TAB3: variants seen among roughly 807,000 people sequenced by gnomAD.
TAB3 encodes the protein TGF-beta activated kinase 1 (MAP3K7) binding protein 3, also known as TGF-beta-activated kinase 1 and MAP3K7-binding protein 3.
In TAB3, 18 loss-of-function variants were observed where a neutral mutation model predicts 48.1. The observed-to-expected ratio is 0.37, with a 90% CI of 0.26 to 0.55. The LOEUF (loss-of-function observed/expected upper bound fraction) is 0.55, where lower values mean the gene tolerates loss of function less well. Among genes scored for constraint, TAB3 ranks in the 20% least tolerant of loss-of-function variants. TAB3 has a pLI of 0.78. For synonymous variants in TAB3, 185 were observed against 190.2 expected, an observed-to-expected ratio of 0.97 and a Z score of 0.22; for missense variants, 414 against 549.8, an observed-to-expected ratio of 0.75 and a Z score of 2.47.
chrX:30,861,077 G>A (rs917080752), intron 4 of TAB3, among the ~76,000 whole-genome samples: 2 of 111,533 alleles, frequency 1.8e-5, no homozygotes, highest in East Asian at 5.6e-4. Context: ...GGTATGCGGT[G>A]TTCTTTCTCC....
intron 2 of TAB3, among the ~76,000 whole-genome samples, chrX:30,868,083 G>C (rs940145975): frequency 1.9e-5 from 2 of 103,661 alleles, no homozygotes; most frequent in Non-Finnish European, 3.9e-5. Flanking sequence ...TTTTCATAGA[G>C]ACGGGGTTTC....
At chrX:30,832,969 C>G (rs1430315186) in intron 10 of TAB3, among the ~76,000 whole-genome samples, 1 of 101,750 alleles carries the variant, frequency 9.8e-6, no homozygotes, top group Admixed American at 1.0e-4. Flanking sequence ...CATTTTCTTT[C>G]TTTCTTTTTT....
At chrX:30,842,740 C>T (rs1345564409) in intron 9 of TAB3, among the ~76,000 whole-genome samples, 2 of 110,668 alleles carry the variant, frequency 1.8e-5, no homozygotes, top group South Asian at 3.9e-4. Context: ...GCAGAAAGAT[C>T]GCTGGAGCCC....
chrX:30,864,164 C>T (rs922054345), intron 4 of TAB3, among the ~76,000 whole-genome samples: 9 of 111,596 alleles, frequency 8.1e-5, no homozygotes, highest in African/African-American at 2.9e-4. Context: ...GAAACACCCC[C>T]ACTAAAGTCC....
rs182912592 is a variant in TAB3 at position 30,839,824 on chromosome X, T to A, written c.1888+3142A>T. Among the ~76,000 whole-genome samples the A allele has an allele frequency of 1.2e-3, 131 of 107,246 alleles. 1 individual carries two copies. The East Asian group carries it at 0.033, about 27-fold the overall frequency. The allele number at this position is 107,246 out of a possible 115,157, so 93.1% of individuals were successfully genotyped here. A position where few individuals can be genotyped will look rare whatever the true frequency, so the allele number is the denominator to read the frequency against. ...TTACTTTCTTAAATATTTGGTGGAA[T>A]TTACCCACCAGTGAATCTATCTGGA... On this transcript the variant is annotated intron_variant, in intron 9 of 10. Transcript: ENST00000288422.
intron 1 of TAB3, among the ~76,000 whole-genome samples, chrX:30,877,312 CCTCA>C (rs1328856613): frequency 9.0e-6 from 1 of 111,642 alleles, no homozygotes; most frequent in East Asian, 2.8e-4. Context: ...TCCAGCAAAC[CCTCA>C]CTAAGAATGA....
chrX:30,835,770 TTCTC>T (rs1274977415), intron 9 of TAB3: 2 of 112,550 alleles, frequency 1.8e-5, no homozygotes, highest in African/African-American at 3.2e-5. Context: ...CTCTGTCTCT[TTCTC>T]TCTCTTTCCT....
intron 1 of TAB3, among the ~76,000 whole-genome samples, chrX:30,887,717 T>C (rs1255905914): frequency 5.3e-5 from 6 of 112,638 alleles, no homozygotes; most frequent in Non-Finnish European, 1.1e-4. Context: ...TAGCTCTGTT[T>C]GCTCCAACAA....
intron 7 of TAB3, among the ~76,000 whole-genome samples, chrX:30,847,662 G>A (rs1938674840): frequency 1.8e-5 from 2 of 110,953 alleles, no homozygotes; most frequent in Middle Eastern, 4.6e-3. Flanking sequence ...ACTATAGGAA[G>A]ACAGAACAAA....
In TAB3 at chrX:30,874,368, A is replaced by G. The variant is rs147504035; in HGVS notation, c.-382-2567T>C. 3.9e-4 allele frequency among the ~76,000 whole-genome samples: 44 copies of G among 112,171 alleles called. No individual in the cohort carries two copies. The East Asian group carries it at 0.011, about 29-fold the overall frequency. ...TGTGTTGTTTTAGAGATGTTAAATT[A>G]TTGGGGAGTGAAATTATGTCTTGGC... On this transcript the variant is annotated intron_variant, in intron 1 of 10. Coordinates refer to ENST00000288422, the MANE Select transcript of TAB3 (RefSeq NM_152787.5).
chrX:30,834,393 G>C (rs1025719586), intron 9 of TAB3, among the ~76,000 whole-genome samples: 1 of 111,730 alleles, frequency 9.0e-6, no homozygotes, highest in Non-Finnish European at 1.9e-5. Context: ...CCATTACTTA[G>C]AACAAATGCC....
At chrX:30,852,097 G>A (rs1029219515) in intron 7 of TAB3, among the ~76,000 whole-genome samples, 1 of 112,483 alleles carries the variant, frequency 8.9e-6, no homozygotes, top group Non-Finnish European at 1.9e-5. Context: ...AAGGTGAAAT[G>A]ATAGGTTGGA....
intron 1 of TAB3, among the ~76,000 whole-genome samples, chrX:30,883,885 C>A (rs913155053): frequency 1.8e-5 from 2 of 111,492 alleles, no homozygotes; most frequent in African/African-American, 6.5e-5. Flanking sequence ...ACCAATGGAT[C>A]ATTTAGAAAT....
intron 4 of TAB3, among the ~76,000 whole-genome samples, chrX:30,865,818 G>T (rs1403233230): frequency 8.9e-6 from 1 of 112,215 alleles, no homozygotes; most frequent in African/African-American, 3.2e-5. Flanking sequence ...AAGAGTTTTT[G>T]TACTACAGTG....
Position 30,830,912 on chromosome X carries a change from G to GGCCCCC in TAB3, c.*514_*515insGGGGGC, listed in dbSNP as rs1938005388. On this transcript the variant is annotated 3_prime_UTR_variant, in exon 11 of 11. Coordinates refer to ENST00000288422, the MANE Select transcript of TAB3 (RefSeq NM_152787.5). The stretch of plus-strand genomic sequence containing the variant: ...AATTACAAATACCCTTAATTAATTT[G>GGCCCCC]CCCCCCCCCCCCAAATATTCTAGGT... 1 of 43,609 alleles carries GGCCCCC rather than the reference G, an allele frequency of 2.3e-5. No homozygotes were observed. The highest frequency in any genetic ancestry group is 4.1e-5 in the Non-Finnish European group (1 of 24,155). The allele number at this position is 43,609 out of a possible 1,213,427, so 3.6% of individuals were successfully genotyped here.
intron 1 of TAB3, among the ~76,000 whole-genome samples, chrX:30,874,735 G>C (rs1281221909): frequency 6.3e-5 from 7 of 111,890 alleles, no homozygotes; most frequent in Admixed American, 3.8e-4. Flanking sequence ...AGAAGTACAA[G>C]GCAGATAAGC....
Position 30,854,514 on chromosome X carries a change from G to A in TAB3, c.1151C>T (p.Pro384Leu). ...AGATGGTTGATTACTGATGGGTGAA[G>A]GACTCCTATTAATTGCTGTCCCAGG... ...QRPGTAINRS[P>L]SPISNQPSPR... is the part of the protein sequence containing the mutation. Residue 384 changes from proline to leucine, a missense_variant, in exon 6 of 11, where the codon CCT (proline) becomes CTT (leucine). Coordinates refer to ENST00000288422, the MANE Select transcript of TAB3 (RefSeq NM_152787.5). The A allele has an allele frequency of 1.4e-5, 17 of 1,210,992 alleles. No individual in the cohort carries two copies. Among genetic ancestry groups the A allele is most frequent in the Non-Finnish European group, 1.9e-5 (17 of 894,949 alleles).
chrX:30,856,570 CAAT>C (rs1910485529), intron 5 of TAB3, among the ~76,000 whole-genome samples: 1 of 111,953 alleles, frequency 8.9e-6, no homozygotes, highest in Non-Finnish European at 1.9e-5. Flanking sequence ...AAAAGTTTCC[CAAT>C]TATTGTGACC....
At chrX:30,867,980 T>C (rs1939461397) in intron 2 of TAB3, among the ~76,000 whole-genome samples, 1 of 104,733 alleles carries the variant, frequency 9.5e-6, no homozygotes, top group African/African-American at 3.5e-5. Context: ...CACTGCAGCC[T>C]CAACCTCCCA....
Sources: gnomAD v4.1 joint callset for allele counts (sites outside exome capture counted in the v4.1 genomes callset) on GRCh38, gnomAD v4.1.1 for gene constraint, MANE v1.5 for transcripts, NCBI Gene and HGNC (gene_info 2026-07-23, HGNC 2026-07-21) for gene names.